The following PCDHGA12 variants were observed in gnomAD, a reference collection of about 807,000 sequenced individuals.
PCDHGA12 encodes protocadherin gamma subfamily A, 12.
PCDHGA12 carries 43 observed loss-of-function variants against 61.1 expected under a neutral mutation model. The observed-to-expected ratio is 0.70, with a 90% CI of 0.55 to 0.91. PCDHGA12 has a LOEUF of 0.91. Ranked by LOEUF, PCDHGA12 falls within the 40% of genes least tolerant of loss-of-function variation. The pLI, the probability that PCDHGA12 is intolerant of heterozygous loss-of-function variation, is 0.00. For synonymous variants in PCDHGA12, 520 were observed against 542.9 expected (o/e 0.96, Z 0.59); for missense variants, 1,236 against 1,227.7 (o/e 1.01, Z -0.10).
At chr5:141,510,447 C>T (rs1270073364) in intron 3 of PCDHGA12, among the ~76,000 whole-genome samples, 1 of 152,026 alleles carries the variant, frequency 6.6e-6, no homozygotes, top group Non-Finnish European at 1.5e-5. Flanking sequence ...CTCCAGGAGC[C>T]CATGGTCTAG....
intron 3 of PCDHGA12, chr5:141,508,363 A>G (rs996562348): frequency 1.3e-5 from 2 of 152,230 alleles, no homozygotes; most frequent in Non-Finnish European, 2.9e-5. Flanking sequence ...TGGCAATCCA[A>G]CTTCTTCCCC....
In PCDHGA12 at chr5:141,432,469, C is replaced by A; in HGVS notation, c.1710C>A (p.Asp570Glu). The change falls in exon 1 of 4, where the codon GAC becomes GAA. Residue 570 changes from aspartate (D) to glutamate (E), a missense_variant. By Grantham distance (45) the Asp-to-Glu change is conservative. Coordinates refer to ENST00000252085, the MANE Select transcript of PCDHGA12 (RefSeq NM_003735.3). The surrounding 1 kb of genome is among the most constrained non-coding windows in gnomAD (Gnocchi z 6.0). Reference protein sequence around the residue: ...PEILYPALPTDGSTGVELAPR... With the variant: ...PEILYPALPTEGSTGVELAPR... ...TCCTGTACCCCGCCCTCCCCACGGA[C>A]GGTTCCACTGGCGTGGAGCTGGCTC... 6.2e-7 allele frequency: 1 copy of A among 1,614,218 alleles called. No individual in the cohort carries two copies.
chr5:141,488,131 G>A (rs2099672034), intron 1 of PCDHGA12, among the ~76,000 whole-genome samples: 1 of 152,202 alleles, frequency 6.6e-6, no homozygotes, highest in Non-Finnish European at 1.5e-5. Context: ...GCAGAAAGAG[G>A]AGAGAACTAA....
At chr5:141,500,244 T>C (rs1426405294) in intron 2 of PCDHGA12, among the ~76,000 whole-genome samples, 1 of 151,640 alleles carries the variant, frequency 6.6e-6, no homozygotes, top group Non-Finnish European at 1.5e-5. Context: ...AGCCTTGCTC[T>C]GTCACCCAGG....
In PCDHGA12 at chr5:141,476,760, CG is replaced by C. The variant is rs1325258321; in HGVS notation, c.2425-18045del. The C allele has an allele frequency of 6.2e-7, 1 of 1,613,706 alleles. No individual in the cohort carries two copies. Among genetic ancestry groups the C allele is most frequent in the African/African-American group, 1.3e-5 (1 of 74,930 alleles). On this transcript the variant is annotated intron_variant, in intron 1 of 3. Coordinates refer to ENST00000252085, the MANE Select transcript of PCDHGA12 (RefSeq NM_003735.3). This position sits in a 1 kb window ranked among gnomAD's most constrained non-coding sequence, Gnocchi z 7.6. ...GAGCCTAGTCTCCAGTTAGTGCTGA[CG>C]GCGTTGGACGGAGGGACCCCAGCTC...
chr5:141,465,385 C>T (rs752724696), intron 1 of PCDHGA12, among the ~76,000 whole-genome samples: 3 of 151,978 alleles, frequency 2.0e-5, no homozygotes, highest in Admixed American at 6.6e-5. Context: ...AGATTAGGAA[C>T]AAAAACAAGT....
chr5:141,494,756 A>G (rs780402065), intron 1 of PCDHGA12, 51 bp from the exon 2 acceptor site: 2 of 1,613,460 alleles, frequency 1.2e-6, no homozygotes, highest in South Asian at 1.1e-5. Context: ...CTCGGGTGAC[A>G]TTCTAACTTC....
chr5:141,491,022 C>T lies in PCDHGA12; in HGVS notation c.2425-3785C>T, dbSNP rs1431293281. 6.8e-6 allele frequency: 11 copies of T among 1,614,116 alleles called. No homozygotes were observed. Among genetic ancestry groups the T allele is most frequent in the East Asian group, 2.2e-5 (1 of 44,886 alleles). On this transcript the variant is annotated intron_variant, in intron 1 of 3. Coordinates refer to ENST00000252085, the MANE Select transcript of PCDHGA12 (RefSeq NM_003735.3). The surrounding 1 kb of genome is among the most constrained non-coding windows in gnomAD (Gnocchi z 6.9). ...GCTCCTTGGTCACCAAGGTGACAGCCGTGGATGCTGATGCAGGCCACAATG... is the reference window on the plus strand; with the variant it reads ...GCTCCTTGGTCACCAAGGTGACAGCTGTGGATGCTGATGCAGGCCACAATG...
intron 2 of PCDHGA12, among the ~76,000 whole-genome samples, chr5:141,499,115 C>G (rs940275925): frequency 6.6e-6 from 1 of 152,124 alleles, no homozygotes; most frequent in Non-Finnish European, 1.5e-5. Flanking sequence ...CACCACTATC[C>G]CTTCTCAGGT....
At chr5:141,478,500 T>C (rs754881921) in intron 1 of PCDHGA12, 16 of 1,612,740 alleles carry the variant, frequency 9.9e-6, no homozygotes, top group Non-Finnish European at 1.4e-5. Context: ...TGTGATCCGG[T>C]GTTCTATAGG....
chr5:141,441,954 C>T, intron 1 of PCDHGA12: 1 of 319,608 alleles, frequency 3.1e-6, no homozygotes, highest in Non-Finnish European at 6.0e-6. Context: ...TGCAGGCCAG[C>T]AAGCCCAGGC....
At chr5:141,465,284 A>C (rs2099100147) in intron 1 of PCDHGA12, among the ~76,000 whole-genome samples, 1 of 152,176 alleles carries the variant, frequency 6.6e-6, no homozygotes, top group African/African-American at 2.4e-5. Flanking sequence ...TTCACCCCTA[A>C]AGAACTGAGA....
In PCDHGA12 at chr5:141,432,287, G is replaced by A. The variant is rs189131107; in HGVS notation, c.1528G>A (p.Asp510Asn). The change falls in exon 1 of 4, where the codon GAC (aspartate) becomes AAC (asparagine). Residue 510 changes from aspartate (D) to asparagine (N), a missense_variant. Physicochemically the swap from Asp to Asn is conservative, Grantham distance 23. Transcript: ENST00000252085. This position sits in a 1 kb window ranked among gnomAD's most constrained non-coding sequence, Gnocchi z 6.0. ...SLSSYVSINS[D>N]TGVLYALSSF... ...ATCGTCCTACGTGTCCATCAACTCC[G>A]ACACTGGGGTACTGTATGCGCTGAG... The A allele has an allele frequency of 2.3e-4, 365 of 1,614,216 alleles. 2 individuals carry two copies. In the East Asian group the frequency reaches 6.5e-3, roughly 29 times the overall value.
chr5:141,476,146 G>C lies in PCDHGA12; in HGVS notation c.2425-18661G>C. 1 of 1,611,402 alleles carries C rather than the reference G, an allele frequency of 6.2e-7. No individual in the cohort carries two copies. On this transcript the variant is annotated intron_variant, in intron 1 of 3. Transcript: ENST00000252085. This position sits in a 1 kb window ranked among gnomAD's most constrained non-coding sequence, Gnocchi z 7.6. ...TCCCAGAGGCCTGGAGGAGCGGACT[G>C]GTAAGCACCGGGAGGGTAGTGGGAG...
chr5:141,480,413 T>C (rs1478520852), intron 1 of PCDHGA12, among the ~76,000 whole-genome samples: 2 of 135,292 alleles, frequency 1.5e-5, no homozygotes, highest in African/African-American at 3.0e-5. Context: ...AGACCCTGTC[T>C]CAAAAAAAAA....
chr5:141,432,495 C>G lies in PCDHGA12; in HGVS notation c.1736C>G (p.Pro579Arg). 1.2e-6 allele frequency: 2 copies of G among 1,614,182 alleles called. No individual in the cohort carries two copies. The highest frequency in any genetic ancestry group is 1.7e-6 in the Non-Finnish European group (2 of 1,180,048). Residue 579 changes from proline (P) to arginine (R), a missense_variant, in exon 1 of 4, where the codon CCC becomes CGC. Coordinates refer to ENST00000252085, the MANE Select transcript of PCDHGA12 (RefSeq NM_003735.3). The surrounding 1 kb of genome is among the most constrained non-coding windows in gnomAD (Gnocchi z 6.0). ...GGTTCCACTGGCGTGGAGCTGGCTC[C>G]CCGCTCCGCAGAGCCCGGCTACCTG... ...TDGSTGVELAPRSAEPGYLVT... is the reference protein window; with the variant it reads ...TDGSTGVELARRSAEPGYLVT...
chr5:141,476,642 C>T lies in PCDHGA12; in HGVS notation c.2425-18165C>T. On this transcript the variant is annotated intron_variant, in intron 1 of 3. Transcript: ENST00000252085. This position sits in a 1 kb window ranked among gnomAD's most constrained non-coding sequence, Gnocchi z 7.6. The stretch of plus-strand genomic sequence containing the variant: ...CTCTTTACAAACCTATGAGCTGAGC[C>T]GAAATGAATACTTTGCGCTTCGCGT... The T allele has an allele frequency of 1.9e-6, 3 of 1,614,240 alleles. No individual in the cohort carries two copies. The highest frequency in any genetic ancestry group is 2.5e-6 in the Non-Finnish European group (3 of 1,180,050).
At chr5:141,506,955 C>G (rs1387377785) in intron 3 of PCDHGA12, 1 of 152,244 alleles carries the variant, frequency 6.6e-6, no homozygotes, top group Non-Finnish European at 1.5e-5. Context: ...AATGAATCCT[C>G]TCAATAGCTC....
chr5:141,459,171 A>G (rs2098962477), intron 1 of PCDHGA12, among the ~76,000 whole-genome samples: 1 of 152,180 alleles, frequency 6.6e-6, no homozygotes, highest in Non-Finnish European at 1.5e-5. Flanking sequence ...ATAACCTTCA[A>G]AAGTTCCCTC....
Sources: allele counts gnomAD v4.1 joint callset (sites outside exome capture counted in the v4.1 genomes callset), GRCh38; gene constraint gnomAD v4.1.1; non-coding constraint Gnocchi (gnomAD v3.1); transcripts MANE v1.5; gene names NCBI Gene and HGNC (gene_info 2026-07-23, HGNC 2026-07-21).